The following RNF169 variants were observed in gnomAD, a reference collection of about 807,000 sequenced individuals.
The protein encoded by RNF169 is ring finger protein 169, also known as E3 ubiquitin-protein ligase RNF169.
RNF169 carries 24 observed loss-of-function variants against 53.9 expected under a neutral mutation model. That is an observed-to-expected ratio of 0.45 (90% CI 0.32 to 0.63). RNF169 has a LOEUF of 0.63. Ranked by LOEUF, RNF169 falls within the 20% of genes least tolerant of loss-of-function variation. The pLI is 0.04. For synonymous variants in RNF169, 396 were observed against 363.5 expected (o/e 1.09, Z -1.02); for missense variants, 883 against 906.2 (o/e 0.97, Z 0.33).
At chr11:74,829,530 AATACACGCAC>A (rs138354610) in intron 4 of RNF169, among the ~76,000 whole-genome samples, 1,941 of 152,260 alleles carry the variant, frequency 0.013, 48 homozygotes, top group African/African-American at 0.044. Context: ...CCCTTATAAA[AATACACGCAC>A]ATGTGTGTTC....
In RNF169 at chr11:74,767,079, A is replaced by G. The variant is rs72991267; in HGVS notation, c.502+17697A>G. On this transcript the variant is annotated intron_variant, in intron 1 of 5. Transcript: ENST00000299563. The stretch of plus-strand genomic sequence containing the variant: ...TGGTCTTAACTTCTGACCTCAAGCA[A>G]TTCTCCTGCCTCTGCTTCCCAAAGT... 7.6e-4 allele frequency among the ~76,000 whole-genome samples: 116 copies of G among 152,180 alleles called. 6 individuals are homozygous for G. The highest frequency in any genetic ancestry group is 2.0e-3 in the Admixed American group (31 of 15,288).
chr11:74,805,774 T>C (rs1565181840), intron 2 of RNF169, among the ~76,000 whole-genome samples: 1 of 152,186 alleles, frequency 6.6e-6, no homozygotes, highest in Non-Finnish European at 1.5e-5. Flanking sequence ...TACGTGAGTT[T>C]ATCTATATGC....
chr11:74,751,189 C>T (rs1448010088), intron 1 of RNF169, among the ~76,000 whole-genome samples: 1 of 152,060 alleles, frequency 6.6e-6, no homozygotes, highest in East Asian at 1.9e-4. Flanking sequence ...TCCTTTTAAG[C>T]TTCACAACAT....
At position 74,836,577 on chromosome 11, in the gene RNF169, G is replaced by C. The variant is rs1179709605; in HGVS notation, c.1974G>C (p.Glu658Asp). 3 of 1,614,138 alleles carry C rather than the reference G, an allele frequency of 1.9e-6. No individual in the cohort carries two copies. Among genetic ancestry groups the C allele is most frequent in the Non-Finnish European group, 2.5e-6 (3 of 1,180,038 alleles). The stretch of plus-strand genomic sequence containing the variant: ...CCCCAACAGACCCAGTCCTGCGAGA[G>C]ATGGAGCAGAAGCTTCAGCAAGAGG... Reference protein sequence around the residue: ...GLAPTDPVLREMEQKLQQEEE... With the variant: ...GLAPTDPVLRDMEQKLQQEEE... Residue 658 changes from glutamate to aspartate, a missense_variant, in exon 6 of 6, where the codon GAG (glutamate) becomes GAC (aspartate). Transcript: ENST00000299563.
At chr11:74,827,476 A>G (rs765332213) in intron 4 of RNF169, among the ~76,000 whole-genome samples, 5 of 152,162 alleles carry the variant, frequency 3.3e-5, no homozygotes, top group Admixed American at 6.5e-5. Context: ...ACTTATGCAA[A>G]TTTCTGCAGC....
chr11:74,752,672 A>G (rs192321990), intron 1 of RNF169, among the ~76,000 whole-genome samples: 1 of 150,918 alleles, frequency 6.6e-6, no homozygotes, highest in East Asian at 1.9e-4. Flanking sequence ...AAGTATGCTT[A>G]TTTTTTGCCA....
At chr11:74,802,225 G>GTC (rs1456810841) in intron 2 of RNF169, among the ~76,000 whole-genome samples, 8 of 152,192 alleles carry the variant, frequency 5.3e-5, no homozygotes, top group African/African-American at 1.9e-4. Flanking sequence ...CCATGGCACT[G>GTC]TCTGGTTGGT....
rs146851950 is a variant in RNF169, at chr11:74,802,165, C to T, written c.577-8019C>T. Among the ~76,000 whole-genome samples, 18 of 152,244 alleles carry T rather than the reference C, an allele frequency of 1.2e-4. 1 individual carries two copies. The East Asian group carries it at 3.5e-3, about 29-fold the overall frequency. ...TCAGAAAATTATGGATATATAAGCTCTAGTCTTTAAAGTACCATTGAGAAG... is the reference window on the plus strand; with the variant it reads ...TCAGAAAATTATGGATATATAAGCTTTAGTCTTTAAAGTACCATTGAGAAG... On this transcript the variant is annotated intron_variant, in intron 2 of 5. Coordinates refer to ENST00000299563, the MANE Select transcript of RNF169 (RefSeq NM_001098638.2).
At chr11:74,791,626 C>T (rs2035581167) in intron 2 of RNF169, among the ~76,000 whole-genome samples, 2 of 152,252 alleles carry the variant, frequency 1.3e-5, no homozygotes, top group Non-Finnish European at 2.9e-5. Context: ...GTGACAGTGC[C>T]TCCCTTGGTC....
Position 74,839,195 on chromosome 11 carries a change from T to C in RNF169, c.*2465T>C, listed in dbSNP as rs914994449. 3 of 152,178 alleles carry C rather than the reference T, an allele frequency of 2.0e-5. No homozygotes were observed. Among genetic ancestry groups the C allele is most frequent in the East Asian group, 1.9e-4 (1 of 5,194 alleles). 9.4% of individuals were successfully genotyped at this position (152,178 alleles called of 1,614,324 possible). A position where few individuals can be genotyped will look rare whatever the true frequency, so the allele number is the denominator to read the frequency against. On this transcript the variant is annotated 3_prime_UTR_variant, in exon 6 of 6. Coordinates refer to ENST00000299563, the MANE Select transcript of RNF169 (RefSeq NM_001098638.2). ...ACCTACAGTGATGCCTAGGATGGTA[T>C]TGACAGTTGTTTTCTAAACTTCCTG...
At chr11:74,788,424 A>T (rs1008970614) in intron 1 of RNF169, among the ~76,000 whole-genome samples, 1 of 151,406 alleles carries the variant, frequency 6.6e-6, no homozygotes, top group Non-Finnish European at 1.5e-5. Flanking sequence ...ACAGAGTCTC[A>T]CTCTCTCACC....
chr11:74,799,127 CTTTT>C, intron 2 of RNF169, among the ~76,000 whole-genome samples: 1 of 113,550 alleles, frequency 8.8e-6, no homozygotes, highest in East Asian at 2.8e-4. Flanking sequence ...TTTCTTCTTT[CTTTT>C]GAAATGTTAT....
At chr11:74,795,190 G>T (rs530761725) in intron 2 of RNF169, among the ~76,000 whole-genome samples, 6 of 150,610 alleles carry the variant, frequency 4.0e-5, no homozygotes, top group Admixed American at 4.0e-4. Context: ...GGGTGGGGGG[G>T]TGGTGTGTAT....
chr11:74,783,118 T>C (rs2035441429), intron 1 of RNF169, among the ~76,000 whole-genome samples: 1 of 152,200 alleles, frequency 6.6e-6, no homozygotes, highest in Admixed American at 6.5e-5. Flanking sequence ...GGATAGCATC[T>C]TCCCATCACA....
At chr11:74,808,250 C>T (rs2035831130) in intron 2 of RNF169, 1 of 152,004 alleles carries the variant, frequency 6.6e-6, no homozygotes, top group South Asian at 2.1e-4. Context: ...CATTCTAAAA[C>T]ACTAGAAAAG....
chr11:74,766,273 CAA>C (rs1267822952), intron 1 of RNF169, among the ~76,000 whole-genome samples: 2 of 152,122 alleles, frequency 1.3e-5, no homozygotes, highest in African/African-American at 4.8e-5. Context: ...CGCGTGGACA[CAA>C]TGAGCAAAAT....
intron 2 of RNF169, among the ~76,000 whole-genome samples, chr11:74,805,212 CTT>C (rs2035787032): frequency 6.6e-6 from 1 of 152,214 alleles, no homozygotes; most frequent in Non-Finnish European, 1.5e-5. Context: ...AAAGGAGTGT[CTT>C]ATTAGTAAAC....
intron 2 of RNF169, among the ~76,000 whole-genome samples, chr11:74,808,338 T>C (rs920746521): frequency 3.9e-5 from 6 of 152,096 alleles, no homozygotes; most frequent in African/African-American, 1.4e-4. Context: ...AAATGTAATA[T>C]TTAGTTTTCT....
At chr11:74,807,540 T>C (rs2035822547) in intron 2 of RNF169, among the ~76,000 whole-genome samples, 1 of 152,182 alleles carries the variant, frequency 6.6e-6, no homozygotes, top group Non-Finnish European at 1.5e-5. Context: ...GAGAAACTGG[T>C]ATCTGAAGTC....
Sources: gnomAD v4.1 joint callset for allele counts (sites outside exome capture counted in the v4.1 genomes callset) on GRCh38, gnomAD v4.1.1 for gene constraint, MANE v1.5 for transcripts, NCBI Gene and HGNC (gene_info 2026-07-23, HGNC 2026-07-21) for gene names.